SYCP1: variants seen among roughly 807,000 people sequenced by gnomAD.
SYCP1 encodes cancer/testis antigen 8.
In SYCP1, 64 loss-of-function variants were observed where a neutral mutation model predicts 153.1. The ratio of observed to expected loss-of-function variants is 0.42; its 90% CI spans 0.34 to 0.51. The LOEUF is 0.51. SYCP1 is among the 20% of genes least tolerant of loss of function. The probability of loss-of-function intolerance (pLI) is 0.06; values close to 1 mark genes in which losing one functional copy is unlikely to be tolerated. For missense variants in SYCP1, 997 were observed against 1,049.0 expected, an observed-to-expected ratio of 0.95 and a Z score of 0.68; for synonymous variants, 384 against 341.8, an observed-to-expected ratio of 1.12 and a Z score of -1.36.
intron 27 of SYCP1, among the ~76,000 whole-genome samples, chr1:114,956,168 A>G (rs576593180): frequency 2.6e-5 from 4 of 152,146 alleles, no homozygotes; most frequent in East Asian, 3.9e-4. Flanking sequence ...TCTGAGATCT[A>G]TCTTGTCTGG....
intron 30 of SYCP1, among the ~76,000 whole-genome samples, chr1:114,986,619 C>T (rs1224449105): frequency 6.6e-6 from 1 of 151,906 alleles, no homozygotes; most frequent in African/African-American, 2.4e-5. Context: ...ACCTATTAGT[C>T]ATTTTGTAAT....
At chr1:114,993,578 T>C (rs1674070386) in intron 30 of SYCP1, among the ~76,000 whole-genome samples, 1 of 151,450 alleles carries the variant, frequency 6.6e-6, no homozygotes, top group Admixed American at 6.6e-5. Flanking sequence ...AAAATTGTTA[T>C]GAAGATTAAA....
chr1:114,913,022 T>A lies in SYCP1; in HGVS notation c.1530-11T>A, dbSNP rs778340279. 9 of 1,573,654 alleles carry A rather than the reference T, an allele frequency of 5.7e-6. No homozygotes were observed. The African/African-American group carries it at 1.1e-4, about 19-fold the overall frequency. On this transcript the variant is annotated splice_polypyrimidine_tract_variant and intron_variant, in intron 18 of 31. Transcript: ENST00000369522. ...AAATATTTTGGTATGACTTTTTTTT[T>A]TAAAAAATAGGCTTAAGAATACTGA...
chr1:114,927,859 C>A (rs1367330003), intron 23 of SYCP1, among the ~76,000 whole-genome samples: 1 of 152,130 alleles, frequency 6.6e-6, no homozygotes, highest in Non-Finnish European at 1.5e-5. Flanking sequence ...CACTCTGGCA[C>A]CAAGGCTGGA....
chr1:114,973,589 G>C (rs1672624858), intron 27 of SYCP1, among the ~76,000 whole-genome samples: 1 of 151,988 alleles, frequency 6.6e-6, no homozygotes, highest in Non-Finnish European at 1.5e-5. Flanking sequence ...TTTGTATATT[G>C]TGGCTCTCTT....
At chr1:114,970,615 G>C (rs539095742) in intron 27 of SYCP1, among the ~76,000 whole-genome samples, 2 of 152,218 alleles carry the variant, frequency 1.3e-5, no homozygotes, top group Admixed American at 1.3e-4. Context: ...CCTTGATGTG[G>C]TGCTCTCCCT....
chr1:114,873,535 C>A (rs572244885), intron 8 of SYCP1, among the ~76,000 whole-genome samples: 1 of 152,248 alleles, frequency 6.6e-6, no homozygotes, highest in East Asian at 1.9e-4. Context: ...ATTTCCCTTC[C>A]CCCAGGTTAG....
At chr1:114,982,693 G>C (rs1204861641) in intron 29 of SYCP1, among the ~76,000 whole-genome samples, 1 of 151,394 alleles carries the variant, frequency 6.6e-6, no homozygotes, top group Non-Finnish European at 1.5e-5. Flanking sequence ...TTAAATCTTT[G>C]TCTAGTTAAG....
intron 8 of SYCP1, among the ~76,000 whole-genome samples, chr1:114,867,558 A>G (rs72694071): frequency 0.061 from 9,245 of 152,062 alleles, 316 homozygotes; most frequent in Middle Eastern, 0.14. Flanking sequence ...CCGCTTATTC[A>G]TTGCTGGTGT....
intron 30 of SYCP1, among the ~76,000 whole-genome samples, chr1:114,993,015 A>T (rs1039500454): frequency 6.6e-6 from 1 of 151,580 alleles, no homozygotes; most frequent in Non-Finnish European, 1.5e-5. Flanking sequence ...AATGGCCTAT[A>T]AACACATGAA....
In SYCP1 at chr1:114,944,593, A is replaced by C. The variant is rs1314140435; in HGVS notation, c.2043+138A>C. The C allele has an allele frequency of 7.4e-5, 46 of 620,156 alleles. No individual in the cohort carries two copies. In the East Asian group the frequency reaches 1.3e-3, roughly 18 times the overall value. The allele number at this position is 620,156 out of a possible 1,614,324, so 38.4% of individuals were successfully genotyped here. On this transcript the variant is annotated intron_variant, in intron 24 of 31. Coordinates refer to ENST00000369522, the MANE Select transcript of SYCP1 (RefSeq NM_003176.4). ...GGGTTAGTAAATTTATATAAGGGTC[A>C]GTTTATCAGTTTTTATAGAAACTAA...
chr1:114,904,033 A>C (rs1180582759), intron 16 of SYCP1, among the ~76,000 whole-genome samples: 1 of 151,970 alleles, frequency 6.6e-6, no homozygotes, highest in African/African-American at 2.4e-5. Flanking sequence ...GATTCCTCCA[A>C]CTTTATTATT....
intron 27 of SYCP1, among the ~76,000 whole-genome samples, chr1:114,972,182 GT>G (rs1672532049): frequency 6.6e-6 from 1 of 151,858 alleles, no homozygotes; most frequent in African/African-American, 2.4e-5. Flanking sequence ...TTATTTTTAG[GT>G]TTTAAAATTT....
intron 27 of SYCP1, among the ~76,000 whole-genome samples, chr1:114,962,131 C>T (rs974214672): frequency 6.6e-5 from 10 of 151,868 alleles, no homozygotes; most frequent in South Asian, 2.1e-4. Context: ...TACAGGCAGC[C>T]GGCACAACAC....
In SYCP1 at chr1:114,913,026, A is replaced by C; in HGVS notation, c.1530-7A>C. The C allele has an allele frequency of 1.9e-6, 3 of 1,577,776 alleles. No individual in the cohort carries two copies. The South Asian group carries it at 3.5e-5, about 19-fold the overall frequency. On this transcript the variant is annotated splice_polypyrimidine_tract_variant and splice_region_variant and intron_variant, in intron 18 of 31. Coordinates refer to ENST00000369522, the MANE Select transcript of SYCP1 (RefSeq NM_003176.4). ...ATTTTGGTATGACTTTTTTTTTTAA[A>C]AAATAGGCTTAAGAATACTGAATTA...
At chr1:114,966,329 C>T (rs183614244) in intron 27 of SYCP1, among the ~76,000 whole-genome samples, 2,091 of 151,476 alleles carry the variant, frequency 0.014, 48 homozygotes, top group African/African-American at 0.047. Context: ...AAGGGTTTTT[C>T]ATGTCTCGAT....
intron 27 of SYCP1, among the ~76,000 whole-genome samples, chr1:114,975,987 A>G (rs1039983883): frequency 6.6e-6 from 1 of 151,790 alleles, no homozygotes; most frequent in Admixed American, 6.6e-5. Context: ...CCATGGGCTC[A>G]CCATGAAGTA....
intron 27 of SYCP1, among the ~76,000 whole-genome samples, chr1:114,958,507 G>T (rs1671574191): frequency 1.3e-5 from 2 of 151,914 alleles, no homozygotes; most frequent in South Asian, 4.2e-4. Flanking sequence ...CTCTGATTTT[G>T]ATTATTATGT....
chr1:114,859,958 A>G, intron 7 of SYCP1, 148 bp downstream of exon 7: 2 of 282,076 alleles, frequency 7.1e-6, no homozygotes, highest in Non-Finnish European at 1.2e-5. Flanking sequence ...CTATGGAAAA[A>G]GGAAGATGTA....
Sources: gnomAD v4.1 joint callset for allele counts (sites outside exome capture counted in the v4.1 genomes callset) on GRCh38, gnomAD v4.1.1 for gene constraint, MANE v1.5 for transcripts, NCBI Gene and HGNC (gene_info 2026-07-23, HGNC 2026-07-21) for gene names.